The following NEGR1 variants were observed in gnomAD, a reference collection of about 807,000 sequenced individuals.
The protein encoded by NEGR1 is neuronal growth regulator 1.
Under a neutral mutation model 40.9 loss-of-function variants are expected in NEGR1, and 10 were observed. The ratio of observed to expected loss-of-function variants is 0.24; its 90% CI spans 0.15 to 0.42. NEGR1 has a LOEUF of 0.42. Ranked by LOEUF, NEGR1 falls within the 10% of genes least tolerant of loss-of-function variation. The probability of loss-of-function intolerance (pLI) is 1.00; values close to 1 mark genes in which losing one functional copy is unlikely to be tolerated. For synonymous variants in NEGR1, 185 were observed against 166.8 expected (o/e 1.11, Z -0.84); for missense variants, 352 against 438.9 (o/e 0.80, Z 1.77).
chr1:71,703,042 G>C (rs1286461346), intron 3 of NEGR1: 2 of 151,894 alleles, frequency 1.3e-5, no homozygotes, highest in African/African-American at 2.4e-5. Context: ...TGAGTACAAG[G>C]CTGTACTTGC....
At chr1:71,447,069 C>A (rs147035315) in intron 6 of NEGR1, among the ~76,000 whole-genome samples, 13 of 152,278 alleles carry the variant, frequency 8.5e-5, no homozygotes, top group Non-Finnish European at 1.9e-4. Flanking sequence ...TGTTAGGACC[C>A]AGGCCACACA....
chr1:71,644,654 C>A (rs1474606905), intron 4 of NEGR1, among the ~76,000 whole-genome samples: 2 of 151,930 alleles, frequency 1.3e-5, no homozygotes, highest in Non-Finnish European at 2.9e-5. Context: ...TAAATACATG[C>A]TTCAATTTCT....
intron 1 of NEGR1, among the ~76,000 whole-genome samples, chr1:72,137,947 A>T (rs1319806348): frequency 1.3e-5 from 2 of 152,128 alleles, no homozygotes; most frequent in Non-Finnish European, 2.9e-5. Flanking sequence ...AGAGTTCTAT[A>T]ACCATTTAAA....
intron 1 of NEGR1, among the ~76,000 whole-genome samples, chr1:72,018,355 T>C (rs950501712): frequency 1.3e-5 from 2 of 152,152 alleles, no homozygotes; most frequent in Admixed American, 1.3e-4. Flanking sequence ...GCTTTTCAGG[T>C]ATTTTTAACT....
intron 1 of NEGR1, among the ~76,000 whole-genome samples, chr1:72,040,901 A>C (rs1294447270): frequency 6.6e-6 from 1 of 152,008 alleles, no homozygotes; most frequent in Non-Finnish European, 1.5e-5. Flanking sequence ...TCTGTCCACC[A>C]AAAACTATGA....
intron 2 of NEGR1, among the ~76,000 whole-genome samples, chr1:71,872,877 T>C (rs2101834659): frequency 6.6e-6 from 1 of 152,264 alleles, no homozygotes; most frequent in African/African-American, 2.4e-5. Flanking sequence ...TGTTGCCATG[T>C]GGACATTGTT....
chr1:71,964,363 T>C (rs1430275861), intron 1 of NEGR1, among the ~76,000 whole-genome samples: 1 of 152,108 alleles, frequency 6.6e-6, no homozygotes, highest in East Asian at 1.9e-4. Flanking sequence ...GAATTCCACT[T>C]TGGTGATGTT....
chr1:72,143,930 T>TATATGAAAA (rs1553145056), intron 1 of NEGR1, among the ~76,000 whole-genome samples: 3 of 140,506 alleles, frequency 2.1e-5, no homozygotes, highest in Non-Finnish European at 4.6e-5. Context: ...TATATATATA[T>TATATGAAAA]ATATATATAT....
chr1:71,461,009 A>G (rs1326124653), intron 6 of NEGR1, among the ~76,000 whole-genome samples: 1 of 151,932 alleles, frequency 6.6e-6, no homozygotes, highest in African/African-American at 2.4e-5. Flanking sequence ...AATAAAATAT[A>G]TCTGTCTTGT....
intron 6 of NEGR1, among the ~76,000 whole-genome samples, chr1:71,416,035 C>T (rs960220750): frequency 6.6e-6 from 1 of 152,022 alleles, no homozygotes; most frequent in Non-Finnish European, 1.5e-5. Flanking sequence ...TCTAGGGCAT[C>T]ATTTAGTTGA....
chr1:72,243,271 A>G (rs1654805823), intron 1 of NEGR1, among the ~76,000 whole-genome samples: 1 of 151,836 alleles, frequency 6.6e-6, no homozygotes, highest in African/African-American at 2.4e-5. Flanking sequence ...TAAAAGGGCT[A>G]CTTCAGTTCC....
intron 1 of NEGR1, among the ~76,000 whole-genome samples, chr1:72,225,259 T>A: frequency 6.6e-6 from 1 of 152,088 alleles, no homozygotes; most frequent in African/African-American, 2.4e-5. Flanking sequence ...GTCCTCCTGA[T>A]TTGAGTATCT....
At position 72,003,004 on chromosome 1, in the gene NEGR1, G is replaced by A. The variant is rs543993859; in HGVS notation, c.177-67693C>T. On this transcript the variant is annotated intron_variant, in intron 1 of 6. Coordinates refer to ENST00000357731, the MANE Select transcript of NEGR1 (RefSeq NM_173808.3). Reference sequence around the variant, plus strand: ...TAACATGTAAAGTGACTCCAACATAGCACTTAAAACTAGGAGATATTCAGA... The same window carrying A: ...TAACATGTAAAGTGACTCCAACATAACACTTAAAACTAGGAGATATTCAGA... Among the ~76,000 whole-genome samples, 279 of 152,194 alleles carry A rather than the reference G, an allele frequency of 1.8e-3. 3 individuals carry two copies. The highest frequency in any genetic ancestry group is 6.7e-3 in the African/African-American group (277 of 41,556).
chr1:72,253,364 G>T (rs1655167012), intron 1 of NEGR1, among the ~76,000 whole-genome samples: 1 of 152,120 alleles, frequency 6.6e-6, no homozygotes, highest in Admixed American at 6.5e-5. Context: ...CTCAGGCAGG[G>T]AAGTCAGACA....
chr1:71,554,965 C>T (rs151096782), intron 6 of NEGR1, among the ~76,000 whole-genome samples: 32 of 151,656 alleles, frequency 2.1e-4, no homozygotes, highest in Admixed American at 4.6e-4. Context: ...AAATACTCAA[C>T]GGTCTTACTT....
At chr1:71,569,384 G>T (rs1463515899) in intron 6 of NEGR1, among the ~76,000 whole-genome samples, 1 of 152,166 alleles carries the variant, frequency 6.6e-6, no homozygotes, top group Non-Finnish European at 1.5e-5. Context: ...GAATGGGAAA[G>T]AAGGAGTAGG....
intron 1 of NEGR1, among the ~76,000 whole-genome samples, chr1:72,183,553 T>C (rs1183054258): frequency 3.3e-5 from 5 of 152,166 alleles, no homozygotes; most frequent in Admixed American, 1.3e-4. Context: ...AAATTCTATA[T>C]TGATAACTGC....
At chr1:71,571,747 G>A (rs150163056) in intron 6 of NEGR1, among the ~76,000 whole-genome samples, 1 of 148,030 alleles carries the variant, frequency 6.8e-6, no homozygotes, top group Non-Finnish European at 1.5e-5. Context: ...GAACTGTCAT[G>A]GTGCCACTCC....
At chr1:71,902,559 C>T (rs1661170164) in intron 2 of NEGR1, among the ~76,000 whole-genome samples, 1 of 152,158 alleles carries the variant, frequency 6.6e-6, no homozygotes, top group African/African-American at 2.4e-5. Flanking sequence ...ATTTCTGTAA[C>T]TCAGGACTTC....
Sources: allele counts gnomAD v4.1 joint callset (sites outside exome capture counted in the v4.1 genomes callset), GRCh38; gene constraint gnomAD v4.1.1; transcripts MANE v1.5; gene names NCBI Gene and HGNC (gene_info 2026-07-23, HGNC 2026-07-21).